The following ZRANB1 variants were observed in gnomAD, a reference collection of about 807,000 sequenced individuals.
The protein encoded by ZRANB1 is zinc finger RANBP2-type containing 1, also known as ubiquitin thioesterase ZRANB1.
A neutral mutation model predicts 80.5 loss-of-function variants in ZRANB1; 16 were observed. That is an observed-to-expected ratio of 0.20 (90% CI 0.13 to 0.30). ZRANB1 has a LOEUF of 0.30. ZRANB1 is among the 10% of genes least tolerant of loss of function. ZRANB1 has a pLI of 1.00. For synonymous variants in ZRANB1, 291 were observed against 293.1 expected, an observed-to-expected ratio of 0.99 and a Z score of 0.07; for missense variants, 576 against 862.6, an observed-to-expected ratio of 0.67 and a Z score of 4.16.
intron 6 of ZRANB1, 84 bp downstream of exon 6, chr10:124,981,913 G>A (rs1951937521): frequency 1.3e-6 from 2 of 1,527,526 alleles, no homozygotes; most frequent in East Asian, 4.6e-5. Context: ...ACCATGTTGG[G>A]GGCAATGTGG....
chr10:124,954,224 G>C lies in ZRANB1; in HGVS notation c.814+10917G>C, dbSNP rs536222783. On this transcript the variant is annotated intron_variant, in intron 1 of 8. Coordinates refer to ENST00000359653, the MANE Select transcript of ZRANB1 (RefSeq NM_017580.3). ...TGGTCTCAAACTCATGGGGTCAAGT[G>C]ATCAGCCCGATTCAGCCTCCCAAAG... is the stretch of plus-strand genomic sequence containing the variant. 1.4e-4 allele frequency among the ~76,000 whole-genome samples: 19 copies of C among 134,172 alleles called. No homozygotes were observed. In the South Asian group the frequency reaches 4.3e-3, roughly 30 times the overall value. The allele number at this position is 134,172 out of a possible 152,430, so 88.0% of individuals were successfully genotyped here.
chr10:124,968,021 C>T (rs1951790664), intron 2 of ZRANB1, among the ~76,000 whole-genome samples: 1 of 151,898 alleles, frequency 6.6e-6, no homozygotes, highest in Non-Finnish European at 1.5e-5. Context: ...TTGTCAGCCT[C>T]CTAAGTAACT....
chr10:124,957,981 C>T lies in ZRANB1; in HGVS notation c.815-8613C>T, dbSNP rs575808642. 6.6e-5 allele frequency among the ~76,000 whole-genome samples: 10 copies of T among 152,298 alleles called. 1 individual carries two copies. The South Asian group carries it at 1.9e-3, about 28-fold the overall frequency. ...CTGGCCTCAAGTGATCCACCTGCCT[C>T]GGCCTCCCAAAGTGTTGGGATTACA... On this transcript the variant is annotated intron_variant, in intron 1 of 8. Coordinates refer to ENST00000359653, the MANE Select transcript of ZRANB1 (RefSeq NM_017580.3).
chr10:124,929,612 A>G, the ZRANB1 span, among the ~76,000 whole-genome samples: 2 of 150,068 alleles, frequency 1.3e-5, no homozygotes, highest in South Asian at 2.2e-4. Flanking sequence ...TGCTGGGATT[A>G]CAAGTGTGAG....
the ZRANB1 span, among the ~76,000 whole-genome samples, chr10:124,934,617 C>T: frequency 6.6e-6 from 1 of 152,090 alleles, no homozygotes; most frequent in African/African-American, 2.4e-5. Context: ...AACTGAGGCT[C>T]AGAAATAGGA....
the ZRANB1 span, among the ~76,000 whole-genome samples, chr10:124,920,342 A>G: frequency 1.3e-5 from 2 of 152,106 alleles, no homozygotes; most frequent in African/African-American, 4.8e-5. Context: ...TTCGATTTGG[A>G]ATATTTGTGC....
the ZRANB1 span, among the ~76,000 whole-genome samples, chr10:124,920,643 C>T: frequency 8.3e-4 from 126 of 151,796 alleles, no homozygotes; most frequent in African/African-American, 2.7e-3. Context: ...TGCTTGTATT[C>T]ATGGAGACAA....
chr10:124,970,817 C>T (rs566023886), intron 2 of ZRANB1, among the ~76,000 whole-genome samples: 258 of 144,454 alleles, frequency 1.8e-3, no homozygotes, highest in African/African-American at 6.3e-3. Context: ...TGGGTTCCCA[C>T]GGTATTCTCT....
intron 1 of ZRANB1, among the ~76,000 whole-genome samples, chr10:124,952,822 C>A (rs558775134): frequency 9.2e-5 from 14 of 152,322 alleles, no homozygotes; most frequent in African/African-American, 3.1e-4. Context: ...GTTGGCCAGG[C>A]TAGTCTCGAA....
At chr10:124,926,279 T>C in the ZRANB1 span, among the ~76,000 whole-genome samples, 2 of 152,196 alleles carry the variant, frequency 1.3e-5, no homozygotes, top group Non-Finnish European at 2.9e-5. Flanking sequence ...CAAAAATAAA[T>C]TAATCTTAGC....
Position 124,967,187 on chromosome 10 carries a change from T to TG in ZRANB1, c.1002+408dup, listed in dbSNP as rs543365545. ...AGGTAATTCTGTGCAGCCTGTGCCC[T>TG]GGTAGATGTAAATGCCAAGTGTTAT... is the stretch of plus-strand genomic sequence containing the variant. On this transcript the variant is annotated intron_variant, in intron 2 of 8. Transcript: ENST00000359653. Among the ~76,000 whole-genome samples the TG allele has an allele frequency of 1.6e-3, 237 of 152,344 alleles. 1 individual carries two copies. Among genetic ancestry groups the TG allele is most frequent in the African/African-American group, 5.3e-3 (220 of 41,578 alleles).
rs1589862875 is a variant in ZRANB1, at chr10:124,987,362, T to C, written c.*2370T>C. On this transcript the variant is annotated 3_prime_UTR_variant, in exon 9 of 9. Transcript: ENST00000359653. Reference sequence around the variant, plus strand: ...GACTTGTTCTTCCTTGGGGTCAAATTTATATATATATATATAAATTTTTGT... The same window carrying C: ...GACTTGTTCTTCCTTGGGGTCAAATCTATATATATATATATAAATTTTTGT... The C allele has an allele frequency of 6.7e-6, 1 of 150,108 alleles. No homozygotes were observed. The highest frequency in any genetic ancestry group is 1.5e-5 in the Non-Finnish European group (1 of 67,602). The allele number at this position is 150,108 out of a possible 1,614,324, so 9.3% of individuals were successfully genotyped here.
chr10:124,983,360 G>A lies in ZRANB1; in HGVS notation c.1678+56G>A, dbSNP rs1237650773. The stretch of plus-strand genomic sequence containing the variant: ...TTTCTTTGAACGGAATGGCTCAGAT[G>A]TCAGGAAGGAGCAGTGGACAGGGGA... On this transcript the variant is annotated intron_variant, in intron 7 of 8. Transcript: ENST00000359653. The surrounding 1 kb of genome is among the most constrained non-coding windows in gnomAD (Gnocchi z 6.2). The A allele has an allele frequency of 6.2e-6, 10 of 1,604,088 alleles. No homozygotes were observed. The highest frequency in any genetic ancestry group is 1.3e-5 in the African/African-American group (1 of 74,642).
At chr10:124,922,403 G>A in the ZRANB1 span, among the ~76,000 whole-genome samples, 1 of 148,618 alleles carries the variant, frequency 6.7e-6, no homozygotes, top group African/African-American at 2.5e-5. Context: ...ACAACTCACT[G>A]CAGCCTTGAC....
rs953733257 is a variant in ZRANB1, at chr10:124,974,080, G to A, written c.1229-120G>A. 3.5e-6 allele frequency: 3 copies of A among 857,262 alleles called. 1 individual carries two copies. The highest frequency in any genetic ancestry group is 5.1e-4 in the Middle Eastern group (2 of 3,902). The allele number at this position is 857,262 out of a possible 1,614,324, so 53.1% of individuals were successfully genotyped here. A position where few individuals can be genotyped will look rare whatever the true frequency, so the allele number is the denominator to read the frequency against. On this transcript the variant is annotated intron_variant, in intron 4 of 8. Coordinates refer to ENST00000359653, the MANE Select transcript of ZRANB1 (RefSeq NM_017580.3). ...ATTTCAATTGGTCAATTTTATTTAGGTGTTTATTGGTAAATTACATATAAA... is the reference window on the plus strand; with the variant it reads ...ATTTCAATTGGTCAATTTTATTTAGATGTTTATTGGTAAATTACATATAAA...
chr10:124,940,380 C>A, upstream of ZRANB1: 2 of 540,610 alleles, frequency 3.7e-6, no homozygotes, highest in Non-Finnish European at 5.8e-6. Flanking sequence ...ACAGGAATAG[C>A]TATTCAGTCA....
intron 5 of ZRANB1, among the ~76,000 whole-genome samples, chr10:124,977,535 C>T (rs751816973): frequency 4.6e-5 from 7 of 151,406 alleles, no homozygotes; most frequent in Non-Finnish European, 7.4e-5. Flanking sequence ...CATAGTGAAA[C>T]CCTGTCTCCA....
intron 2 of ZRANB1, among the ~76,000 whole-genome samples, chr10:124,968,639 T>C (rs112378383): frequency 1.6e-4 from 24 of 152,286 alleles, no homozygotes; most frequent in African/African-American, 5.8e-4. Flanking sequence ...TATTGTATAT[T>C]GGAAGGGCTG....
At chr10:124,978,206 T>C (rs1951897089) in intron 5 of ZRANB1, among the ~76,000 whole-genome samples, 1 of 152,222 alleles carries the variant, frequency 6.6e-6, no homozygotes, top group South Asian at 2.1e-4. Context: ...GGGCCTGTCA[T>C]GTGACCAGTA....
Sources: allele counts gnomAD v4.1 joint callset (sites outside exome capture counted in the v4.1 genomes callset), GRCh38; gene constraint gnomAD v4.1.1; non-coding constraint Gnocchi (gnomAD v3.1); transcripts MANE v1.5; gene names NCBI Gene and HGNC (gene_info 2026-07-23, HGNC 2026-07-21).